PRSS12: variants seen among roughly 807,000 people sequenced by gnomAD.
PRSS12 encodes the protein serine protease 12, also known as neurotrypsin.
In PRSS12, 85 loss-of-function variants were observed where a neutral mutation model predicts 104.4. The ratio of observed to expected loss-of-function variants is 0.81; its 90% CI spans 0.68 to 0.98. The LOEUF (loss-of-function observed/expected upper bound fraction) is 0.98, where lower values mean the gene tolerates loss of function less well. PRSS12 is among the 50% of genes least tolerant of loss of function. The pLI, the probability that PRSS12 is intolerant of heterozygous loss-of-function variation, is 0.00. For synonymous variants in PRSS12, 454 were observed against 425.2 expected, an observed-to-expected ratio of 1.07 and a Z score of -0.83; for missense variants, 1,141 against 1,139.2, an observed-to-expected ratio of 1.00 and a Z score of -0.02.
Position 118,295,873 on chromosome 4 carries a change from T to A in PRSS12, c.1838-17A>T, listed in dbSNP as rs778910959. ...AGAGGGACTCTGAAGCAGAAATAGG[T>A]CATTAATTAAACTATCACATTGCTG... On this transcript the variant is annotated splice_polypyrimidine_tract_variant and intron_variant, in intron 9 of 12. Coordinates refer to ENST00000296498, the MANE Select transcript of PRSS12 (RefSeq NM_003619.4). 6.2e-7 allele frequency: 1 copy of A among 1,604,656 alleles called. No individual in the cohort carries two copies. The highest frequency in any genetic ancestry group is 1.7e-5 in the Admixed American group (1 of 59,980).
chr4:118,351,995 G>A (rs760589311), intron 1 of PRSS12, among the ~76,000 whole-genome samples: 24 of 152,066 alleles, frequency 1.6e-4, no homozygotes, highest in Non-Finnish European at 3.2e-4. Flanking sequence ...GCATAGAACT[G>A]TCACCCCTGA....
intron 7 of PRSS12, among the ~76,000 whole-genome samples, chr4:118,309,728 G>A (rs941880800): frequency 1.4e-4 from 22 of 152,184 alleles, no homozygotes; most frequent in African/African-American, 4.6e-4. Flanking sequence ...ATAAAGCATG[G>A]TAAACTTATT....
At chr4:118,296,909 C>G (rs111578498) in intron 9 of PRSS12, among the ~76,000 whole-genome samples, 7 of 152,200 alleles carry the variant, frequency 4.6e-5, no homozygotes, top group African/African-American at 1.4e-4. Flanking sequence ...TCCAATAATG[C>G]TCCAAGTTGG....
At position 118,300,574 on chromosome 4, in the gene PRSS12, T is replaced by C. The variant is rs950804608; in HGVS notation, c.1632-1636A>G. Among the ~76,000 whole-genome samples the C allele has an allele frequency of 3.9e-5, 6 of 152,266 alleles. No homozygotes were observed. The East Asian group carries it at 5.8e-4, about 15-fold the overall frequency. ...CAGAAGCAAAAGCTTTCCAGATGAA[T>C]TATTGGAAAACTATCCTTGAAATCT... is the stretch of plus-strand genomic sequence containing the variant. On this transcript the variant is annotated intron_variant, in intron 8 of 12. Transcript: ENST00000296498.
chr4:118,316,837 A>AAAAAATATAT (rs35698159), intron 5 of PRSS12, among the ~76,000 whole-genome samples: 193 of 99,170 alleles, frequency 1.9e-3, no homozygotes, highest in Middle Eastern at 8.9e-3. Flanking sequence ...AAAAAAAAAA[A>AAAAAATATAT]ATATATATAT....
rs1724562628 is a variant in PRSS12, at chr4:118,352,862, T to C, written c.-142A>G. ...CCCCCGCACGCGGACCGCCCTCGCC[T>C]CCCCAACCTTGCCTCCCGCCGCTGG... On this transcript the variant is annotated 5_prime_UTR_variant, in exon 1 of 13. Coordinates refer to ENST00000296498, the MANE Select transcript of PRSS12 (RefSeq NM_003619.4). 4 of 1,441,086 alleles carry C rather than the reference T, an allele frequency of 2.8e-6. No individual in the cohort carries two copies. Among genetic ancestry groups the C allele is most frequent in the Admixed American group, 2.4e-5 (1 of 40,906 alleles). 89.3% of individuals were successfully genotyped at this position (1,441,086 alleles called of 1,614,324 possible).
chr4:118,343,048 T>C (rs74831531), intron 1 of PRSS12, among the ~76,000 whole-genome samples: 17,664 of 152,134 alleles, frequency 0.12, 1,359 homozygotes, highest in South Asian at 0.19. Context: ...AACAGCAGAC[T>C]GGATAAAAAT....
At chr4:118,308,606 A>T in intron 7 of PRSS12, 29 bp from the exon 8 acceptor site, 1 of 1,607,152 alleles carries the variant, frequency 6.2e-7, no homozygotes, top group Non-Finnish European at 8.5e-7. Flanking sequence ...GTATTAGAAC[A>T]GCCCAAACAT....
At chr4:118,299,766 AAATAAAATAAAATAAAATAAAATAAAAT>A (rs1329684283) in intron 8 of PRSS12, among the ~76,000 whole-genome samples, 1,286 of 33,086 alleles carry the variant, frequency 0.039, 79 homozygotes, top group Admixed American at 0.27. Flanking sequence ...AAATAAAATT[AAATAAAATAAAATAAAATAAAATAAAAT>A]AAATAAAATA....
intron 1 of PRSS12, among the ~76,000 whole-genome samples, chr4:118,351,374 A>T (rs1037445672): frequency 2.0e-5 from 3 of 152,124 alleles, no homozygotes; most frequent in Admixed American, 6.5e-5. Context: ...TTTCAACAAA[A>T]TCCCAACAAT....
chr4:118,326,214 A>G (rs1430376688), intron 4 of PRSS12, among the ~76,000 whole-genome samples: 1 of 152,188 alleles, frequency 6.6e-6, no homozygotes, highest in Non-Finnish European at 1.5e-5. Context: ...CCATATACAG[A>G]GTTTGTAATC....
intron 5 of PRSS12, 97 bp from the exon 6 acceptor site, chr4:118,316,420 C>CGT: frequency 6.7e-7 from 1 of 1,489,682 alleles, no homozygotes; most frequent in Non-Finnish European, 9.2e-7. Context: ...CATATTCAGG[C>CGT]CTCACTCTAG....
chr4:118,303,683 T>C, intron 8 of PRSS12: 1 of 152,116 alleles, frequency 6.6e-6, no homozygotes. Context: ...ATAATAACTT[T>C]CCAAGGGATA....
chr4:118,304,350 T>C (rs1380809565), intron 8 of PRSS12, among the ~76,000 whole-genome samples: 1 of 152,006 alleles, frequency 6.6e-6, no homozygotes, highest in African/African-American at 2.4e-5. Flanking sequence ...TTAAAATGGA[T>C]AGCTGAATCA....
In PRSS12 at chr4:118,313,402, G is replaced by A. The variant is rs958629100; in HGVS notation, c.1293-5C>T. 2 of 1,613,586 alleles carry A rather than the reference G, an allele frequency of 1.2e-6. No individual in the cohort carries two copies. The highest frequency in any genetic ancestry group is 1.7e-6 in the Non-Finnish European group (2 of 1,179,642). ...GCAGATGCTTGTTTACCATATCTGT[G>A]ACAATTGAATAAACACTGTGTATAG... On this transcript the variant is annotated splice_region_variant and splice_polypyrimidine_tract_variant and intron_variant, in intron 6 of 12. Coordinates refer to ENST00000296498, the MANE Select transcript of PRSS12 (RefSeq NM_003619.4).
chr4:118,316,204 C>T lies in PRSS12; in HGVS notation c.1270G>A (p.Val424Ile), dbSNP rs77322543. Reference sequence around the variant, plus strand: ...TACTTAAATCCCAATTGTCGACAAACCACGTATGTATTCAGCTCAGTCCAG... The same window carrying T: ...TACTTAAATCCCAATTGTCGACAAATCACGTATGTATTCAGCTCAGTCCAG... ...DGWTELNTYV[V>I]CRQLGFKYGK... The change falls in exon 6 of 13, where the codon GTT becomes ATT. Residue 424 changes from valine to isoleucine, a missense_variant. By Grantham distance (29) the Val-to-Ile change is conservative (BLOSUM62 3). Transcript: ENST00000296498. The T allele has an allele frequency of 9.4e-4, 1,510 of 1,613,994 alleles. 16 individuals are homozygous for T. The African/African-American group carries it at 0.018, about 19-fold the overall frequency.
intron 11 of PRSS12, 100 bp from the exon 12 acceptor site, chr4:118,283,211 T>G: frequency 7.0e-7 from 1 of 1,429,048 alleles, no homozygotes; most frequent in Non-Finnish European, 9.8e-7. Flanking sequence ...TTCCAAATCA[T>G]CAGCCCCTTT....
chr4:118,298,767 A>C lies in PRSS12; in HGVS notation c.1803T>G (p.Tyr601Ter). ...HSEDAGVICD[Y>*]FGKKASGNSN... ...TGTTACCTGAGGCCTTCTTGCCAAA[A>C]TAATCACAAATAACTCCTGCATCTT... is the stretch of plus-strand genomic sequence containing the variant. The change falls in exon 9 of 13, where the codon TAT becomes TAG. Residue 601 changes from tyrosine (Y) to a stop codon, truncating the protein, a stop_gained. Transcript: ENST00000296498. LOFTEE classifies it high-confidence loss of function. The C allele has an allele frequency of 6.2e-7, 1 of 1,614,212 alleles. No individual in the cohort carries two copies. The highest frequency in any genetic ancestry group is 8.5e-7 in the Non-Finnish European group (1 of 1,180,022).
At chr4:118,301,261 T>C (rs1477488489) in intron 8 of PRSS12, among the ~76,000 whole-genome samples, 1 of 152,222 alleles carries the variant, frequency 6.6e-6, no homozygotes, top group Non-Finnish European at 1.5e-5. Flanking sequence ...TTGGTCTTTA[T>C]AGTTCAGTAA....
Sources: gnomAD v4.1 joint callset for allele counts (sites outside exome capture counted in the v4.1 genomes callset) on GRCh38, gnomAD v4.1.1 for gene constraint, MANE v1.5 for transcripts, NCBI Gene and HGNC (gene_info 2026-07-23, HGNC 2026-07-21) for gene names.